The following GLIS3 variants were observed in gnomAD, a reference collection of about 807,000 sequenced individuals.
The protein encoded by GLIS3 is zinc finger protein GLIS3.
GLIS3 carries 53 observed loss-of-function variants against 78.6 expected under a neutral mutation model. That is an observed-to-expected ratio of 0.67 (90% CI 0.54 to 0.85). The LOEUF (loss-of-function observed/expected upper bound fraction) is 0.85. Among genes scored for constraint, GLIS3 ranks in the 40% least tolerant of loss-of-function variants. The probability of loss-of-function intolerance (pLI) is 0.00; values close to 1 mark genes in which losing one functional copy is unlikely to be tolerated. For missense variants in GLIS3, 1,703 were observed against 1,231.1 expected, an observed-to-expected ratio of 1.38 and a Z score of -5.74; for synonymous variants, 684 against 509.9, an observed-to-expected ratio of 1.34 and a Z score of -4.60.
intron 7 of GLIS3, among the ~76,000 whole-genome samples, chr9:3,887,395 TA>T (rs1408901796): frequency 1.3e-5 from 2 of 152,138 alleles, no homozygotes; most frequent in Non-Finnish European, 2.9e-5. Flanking sequence ...GATGTTCTAT[TA>T]AGGTAAGTGA....
At chr9:4,264,182 T>C (rs1259023522) in intron 2 of GLIS3, among the ~76,000 whole-genome samples, 2 of 152,204 alleles carry the variant, frequency 1.3e-5, no homozygotes, top group African/African-American at 4.8e-5. Flanking sequence ...TGCCATTCAC[T>C]ACATGTTCAA....
rs367967597 is a variant in GLIS3 at position 4,192,662 on chromosome 9, A to G, written c.389-66721T>C. 1.8e-4 allele frequency among the ~76,000 whole-genome samples: 28 copies of G among 152,338 alleles called. No homozygotes were observed. In the East Asian group the frequency reaches 1.9e-3, roughly 10 times the overall value. On this transcript the variant is annotated intron_variant, in intron 2 of 10. Transcript: ENST00000381971. ...ATGCATGTATACATGCATTCAGCAAATATTTATGAAGAGCCTACTTTAGCA... is the reference window on the plus strand; with the variant it reads ...ATGCATGTATACATGCATTCAGCAAGTATTTATGAAGAGCCTACTTTAGCA...
chr9:4,328,122 C>G (rs1410833775), intron 2 of GLIS3, among the ~76,000 whole-genome samples: 1 of 152,164 alleles, frequency 6.6e-6, no homozygotes, highest in East Asian at 1.9e-4. Flanking sequence ...TGGAAAAGCC[C>G]TGGATGCTGC....
At chr9:4,283,351 T>A (rs927568313) in intron 2 of GLIS3, among the ~76,000 whole-genome samples, 1 of 151,824 alleles carries the variant, frequency 6.6e-6, no homozygotes, top group South Asian at 2.1e-4. Flanking sequence ...CTGCAATCTC[T>A]GCCTCCCAGG....
chr9:4,138,547 A>C (rs1036454138), intron 2 of GLIS3, among the ~76,000 whole-genome samples: 1 of 152,128 alleles, frequency 6.6e-6, no homozygotes, highest in Non-Finnish European at 1.5e-5. Flanking sequence ...CAATATGAAG[A>C]GTTGGATGGC....
chr9:4,255,720 T>G (rs889272749), intron 2 of GLIS3, among the ~76,000 whole-genome samples: 2 of 152,006 alleles, frequency 1.3e-5, no homozygotes, highest in East Asian at 3.8e-4. Context: ...AAGGGAGGGA[T>G]GAATAGGCAG....
chr9:4,338,931 G>T (rs957860823), intron 2 of GLIS3, among the ~76,000 whole-genome samples: 1 of 152,118 alleles, frequency 6.6e-6, no homozygotes, highest in African/African-American at 2.4e-5. Flanking sequence ...TTGAGATTCT[G>T]CATTAACACA....
intron 9 of GLIS3, chr9:3,855,391 A>C (rs1482896656): frequency 6.4e-6 from 1 of 155,414 alleles, no homozygotes; most frequent in African/African-American, 2.4e-5. Flanking sequence ...TAAAAGATAT[A>C]ATTTTCTGAT....
chr9:4,055,545 G>A (rs970928648), intron 4 of GLIS3, among the ~76,000 whole-genome samples: 1 of 152,160 alleles, frequency 6.6e-6, no homozygotes, highest in African/African-American at 2.4e-5. Flanking sequence ...GAGAATTTGT[G>A]ACATCAAACC....
intron 2 of GLIS3, among the ~76,000 whole-genome samples, chr9:4,267,944 CCTGTGTGTGTGTGT>C (rs1326427934): frequency 8.7e-5 from 13 of 150,008 alleles, no homozygotes; most frequent in African/African-American, 2.4e-4. Flanking sequence ...TATAAAAATA[CCTGTGTGTGTGTGT>C]GTGTGTGTGT....
chr9:4,247,350 G>C (rs1481961724), intron 2 of GLIS3, among the ~76,000 whole-genome samples: 1 of 152,094 alleles, frequency 6.6e-6, no homozygotes, highest in African/African-American at 2.4e-5. Flanking sequence ...ATGGTAAAAA[G>C]AAGTACAGAA....
chr9:4,402,934 A>G, the GLIS3 span, among the ~76,000 whole-genome samples: 1 of 152,228 alleles, frequency 6.6e-6, no homozygotes, highest in South Asian at 2.1e-4. Flanking sequence ...TCCCAAACCT[A>G]GAGAAAGATA....
At chr9:4,426,238 G>A in the GLIS3 span, among the ~76,000 whole-genome samples, 1 of 152,136 alleles carries the variant, frequency 6.6e-6, no homozygotes, top group Non-Finnish European at 1.5e-5. Context: ...AGTAGGCTGA[G>A]TCGATTTTAG....
rs34752011 is a variant in GLIS3 at position 4,056,898 on chromosome 9, CTTTTTT to C, written c.1710+60864_1710+60869del. Among the ~76,000 whole-genome samples the C allele has an allele frequency of 1.1e-3, 107 of 98,050 alleles. 2 individuals are homozygous for C. The highest frequency in any genetic ancestry group is 3.7e-3 in the African/African-American group (96 of 26,036). 64.3% of individuals were successfully genotyped at this position (98,050 alleles called of 152,430 possible). ...GAAAAAGCTGCTCCTCTTCAAGACA[CTTTTTT>C]TTTTTTTTTTTTTTTTGCCATCTGC... is the stretch of plus-strand genomic sequence containing the variant. On this transcript the variant is annotated intron_variant, in intron 4 of 10. Coordinates refer to ENST00000381971, the MANE Select transcript of GLIS3 (RefSeq NM_001042413.2).
intron 2 of GLIS3, among the ~76,000 whole-genome samples, chr9:4,209,053 A>G (rs7030766): frequency 0.27 from 40,661 of 152,052 alleles, 6,148 homozygotes; most frequent in African/African-American, 0.4. Flanking sequence ...CAGGTGTATC[A>G]TAAGATATAT....
chr9:4,469,505 T>C, the GLIS3 span, among the ~76,000 whole-genome samples: 2 of 152,222 alleles, frequency 1.3e-5, no homozygotes, highest in Admixed American at 6.5e-5. Context: ...CTCAACTACA[T>C]GGAAACTGAA....
intron 4 of GLIS3, among the ~76,000 whole-genome samples, chr9:3,948,446 T>C (rs1020534641): frequency 1.3e-5 from 2 of 152,174 alleles, no homozygotes; most frequent in African/African-American, 2.4e-5. Flanking sequence ...CCCACACTCA[T>C]AGTTATTCAA....
the GLIS3 span, among the ~76,000 whole-genome samples, chr9:4,469,790 C>T: frequency 6.6e-6 from 1 of 152,002 alleles, no homozygotes; most frequent in South Asian, 2.1e-4. Context: ...AAGATCAGAG[C>T]AGAATTGAAG....
chr9:3,944,206 A>G (rs1816133660), intron 4 of GLIS3, among the ~76,000 whole-genome samples: 3 of 152,228 alleles, frequency 2.0e-5, no homozygotes, highest in Admixed American at 6.5e-5. Context: ...AAATTTTTCA[A>G]GAAGCCACAA....
Sources: allele counts gnomAD v4.1 joint callset (sites outside exome capture counted in the v4.1 genomes callset), GRCh38; gene constraint gnomAD v4.1.1; transcripts MANE v1.5; gene names NCBI Gene and HGNC (gene_info 2026-07-23, HGNC 2026-07-21).